Variants in ERBB4 observed in about 807,000 individuals in gnomAD.
ERBB4 encodes receptor tyrosine-protein kinase erbB-4.
A neutral mutation model predicts 158.0 loss-of-function variants in ERBB4; 42 were observed. The observed-to-expected ratio is 0.27, with a 90% CI of 0.21 to 0.34. The LOEUF is 0.34. Ranked by LOEUF, ERBB4 falls within the 10% of genes least tolerant of loss-of-function variation. The probability of loss-of-function intolerance (pLI) is 1.00; values close to 1 mark genes in which losing one functional copy is unlikely to be tolerated. For synonymous variants in ERBB4, 583 were observed against 558.7 expected (o/e 1.04, Z -0.61); for missense variants, 1,333 against 1,624.1 (o/e 0.82, Z 3.08).
At chr2:212,307,629 A>C (rs1315053571) in intron 1 of ERBB4, among the ~76,000 whole-genome samples, 4 of 151,098 alleles carry the variant, frequency 2.6e-5, no homozygotes, top group Admixed American at 1.3e-4. Flanking sequence ...AGAATTGAGG[A>C]GAATAAACAT....
intron 1 of ERBB4, among the ~76,000 whole-genome samples, chr2:212,359,832 A>G (rs1408209778): frequency 6.6e-6 from 1 of 151,814 alleles, no homozygotes; most frequent in African/African-American, 2.4e-5. Context: ...TTTACCACAG[A>G]AACAAAGAAT....
intron 19 of ERBB4, among the ~76,000 whole-genome samples, chr2:211,587,730 G>A (rs1313396643): frequency 6.6e-6 from 1 of 152,106 alleles, no homozygotes; most frequent in Non-Finnish European, 1.5e-5. Context: ...TCCTCGATAG[G>A]CCACGAGGAA....
chr2:211,638,911 A>T (rs1017113460), intron 16 of ERBB4, among the ~76,000 whole-genome samples: 1 of 152,146 alleles, frequency 6.6e-6, no homozygotes, highest in African/African-American at 2.4e-5. Flanking sequence ...GGGGAAGTAC[A>T]TAAACTTATA....
chr2:212,485,609 A>C (rs937057880), intron 1 of ERBB4, among the ~76,000 whole-genome samples: 1 of 152,246 alleles, frequency 6.6e-6, no homozygotes, highest in Non-Finnish European at 1.5e-5. Context: ...TAAAAAATTT[A>C]TTATAAAAAC....
intron 2 of ERBB4, among the ~76,000 whole-genome samples, chr2:211,991,435 T>A (rs1434409473): frequency 1.3e-5 from 2 of 152,104 alleles, no homozygotes; most frequent in African/African-American, 2.4e-5. Context: ...AGAGATACTG[T>A]CATCTAGCAA....
intron 3 of ERBB4, among the ~76,000 whole-genome samples, chr2:211,818,133 G>A (rs964595423): frequency 7.2e-5 from 11 of 152,056 alleles, no homozygotes; most frequent in Non-Finnish European, 1.3e-4. Flanking sequence ...TGCTTCACAT[G>A]TCCAGCCACC....
intron 1 of ERBB4, among the ~76,000 whole-genome samples, chr2:212,476,133 ACTCT>A (rs369273070): frequency 8.7e-4 from 124 of 141,814 alleles, no homozygotes; most frequent in African/African-American, 2.6e-3. Context: ...ACACATACAT[ACTCT>A]CTCTCTCTCT....
chr2:211,906,426 A>T (rs927153948), intron 3 of ERBB4, among the ~76,000 whole-genome samples: 3 of 152,192 alleles, frequency 2.0e-5, no homozygotes, highest in African/African-American at 7.2e-5. Context: ...TTAGAAGAAA[A>T]AATCAAGAGT....
intron 2 of ERBB4, among the ~76,000 whole-genome samples, chr2:211,972,971 A>G (rs2081497320): frequency 6.6e-6 from 1 of 152,066 alleles, no homozygotes; most frequent in African/African-American, 2.4e-5. Context: ...AAACCTACAA[A>G]ATGGGAGAAA....
At chr2:211,792,549 G>A (rs1472582050) in intron 3 of ERBB4, among the ~76,000 whole-genome samples, 1 of 151,702 alleles carries the variant, frequency 6.6e-6, no homozygotes, top group African/African-American at 2.4e-5. Context: ...TCAATTATTA[G>A]TTACCAGGTA....
At chr2:211,832,608 G>GTA (rs540148030) in intron 3 of ERBB4, among the ~76,000 whole-genome samples, 39 of 149,822 alleles carry the variant, frequency 2.6e-4, no homozygotes, top group Admixed American at 4.7e-4. Context: ...ACGTGTGTGT[G>GTA]TATATATATA....
rs532830335 is a variant in ERBB4 at position 211,566,899 on chromosome 2, C to T, written c.2302-4811G>A. ...AGGTTTACAGTTACAAGTGTGGCCC[C>T]ACTCCCAGATACTCAGGTTTAGAAG... is the stretch of plus-strand genomic sequence containing the variant. On this transcript the variant is annotated intron_variant, in intron 19 of 27. Coordinates refer to ENST00000342788, the MANE Select transcript of ERBB4 (RefSeq NM_005235.3). Among the ~76,000 whole-genome samples the T allele has an allele frequency of 1.1e-4, 17 of 152,230 alleles. No individual in the cohort carries two copies. The South Asian group carries it at 3.5e-3, about 32-fold the overall frequency.
intron 1 of ERBB4, among the ~76,000 whole-genome samples, chr2:212,158,515 C>T (rs1388648972): frequency 2.0e-5 from 3 of 151,892 alleles, no homozygotes; most frequent in Admixed American, 6.6e-5. Flanking sequence ...ATTTCAATAT[C>T]TTATATCTCC....
chr2:212,339,613 C>T (rs1464463938), intron 1 of ERBB4, among the ~76,000 whole-genome samples: 1 of 152,074 alleles, frequency 6.6e-6, no homozygotes, highest in African/African-American at 2.4e-5. Flanking sequence ...GAGAATTTTC[C>T]CTCTGTTTCT....
At position 212,061,453 on chromosome 2, in the gene ERBB4, C is replaced by CAAA. The variant is rs754237880; in HGVS notation, c.234+63296_234+63298dup. ...GGGTGACAGAGTGAGACTCTGTCTC[C>CAAA]AAAAAAAAAAAAAAAAAAAAAAAAA... On this transcript the variant is annotated intron_variant, in intron 2 of 27. Coordinates refer to ENST00000342788, the MANE Select transcript of ERBB4 (RefSeq NM_005235.3). 6.1e-3 allele frequency among the ~76,000 whole-genome samples: 139 copies of CAAA among 22,828 alleles called. 18 individuals are homozygous for CAAA. The highest frequency in any genetic ancestry group is 8.0e-3 in the Non-Finnish European group (102 of 12,828). 15.0% of individuals were successfully genotyped at this position (22,828 alleles called of 152,430 possible). A position where few individuals can be genotyped will look rare whatever the true frequency, so the allele number is the denominator to read the frequency against.
At chr2:211,674,946 T>C (rs2105944305) in intron 13 of ERBB4, among the ~76,000 whole-genome samples, 1 of 152,274 alleles carries the variant, frequency 6.6e-6, no homozygotes, top group Non-Finnish European at 1.5e-5. Flanking sequence ...AGGAATAAAA[T>C]GTATGTCATA....
intron 19 of ERBB4, among the ~76,000 whole-genome samples, chr2:211,607,920 A>G (rs1574849116): frequency 8.6e-6 from 1 of 116,612 alleles, no homozygotes; most frequent in African/African-American, 3.3e-5. Context: ...CCCAGGCTGG[A>G]GTGTAGTGGT....
intron 1 of ERBB4, among the ~76,000 whole-genome samples, chr2:212,140,121 G>A (rs1238123181): frequency 6.6e-6 from 1 of 151,490 alleles, no homozygotes; most frequent in Non-Finnish European, 1.5e-5. Context: ...TGTATTAACT[G>A]TTTGAGAAAC....
intron 2 of ERBB4, among the ~76,000 whole-genome samples, chr2:212,062,256 T>A (rs150849927): frequency 2.9e-3 from 440 of 152,244 alleles, no homozygotes; most frequent in Non-Finnish European, 5.0e-3. Flanking sequence ...TAGAAATGAC[T>A]GCTTTTCTAC....
Sources: gnomAD v4.1 joint callset for allele counts (sites outside exome capture counted in the v4.1 genomes callset) on GRCh38, gnomAD v4.1.1 for gene constraint, MANE v1.5 for transcripts, NCBI Gene and HGNC (gene_info 2026-07-23, HGNC 2026-07-21) for gene names.